The following NYAP2 variants were observed in gnomAD, a reference collection of about 807,000 sequenced individuals.
NYAP2 encodes neuronal tyrosine-phosphorylated phosphoinositide-3-kinase adaptor 2, also known as neuronal tyrosine-phosphorylated phosphoinositide-3-kinase adapter 2.
NYAP2 carries 23 observed loss-of-function variants against 50.4 expected under a neutral mutation model. That is an observed-to-expected ratio of 0.46 (90% confidence interval 0.33 to 0.65). NYAP2 has a LOEUF of 0.65. Among genes scored for constraint, NYAP2 ranks in the 30% least tolerant of loss-of-function variants. The probability of loss-of-function intolerance (pLI) is 0.02; values close to 1 mark genes in which losing one functional copy is unlikely to be tolerated. For missense variants in NYAP2, 885 were observed against 861.0 expected (o/e 1.03, Z -0.35); for synonymous variants, 394 against 365.2 (o/e 1.08, Z -0.90).
intron 4 of NYAP2, among the ~76,000 whole-genome samples, chr2:225,534,864 C>G (rs1348529475): frequency 6.6e-6 from 1 of 152,170 alleles, no homozygotes; most frequent in African/African-American, 2.4e-5. Flanking sequence ...AGCCTCTGGC[C>G]CAGGGCTAAG....
chr2:225,611,054 G>A (rs540145993), intron 5 of NYAP2, among the ~76,000 whole-genome samples: 257 of 152,270 alleles, frequency 1.7e-3, no homozygotes, highest in African/African-American at 6.0e-3. Context: ...CAAGCTGGTT[G>A]AGTTTGGGAT....
intron 3 of NYAP2, among the ~76,000 whole-genome samples, chr2:225,467,495 G>A (rs1574629648): frequency 6.6e-6 from 1 of 152,138 alleles, no homozygotes; most frequent in East Asian, 1.9e-4. Context: ...GCTACCTACT[G>A]TAACAGTATA....
At chr2:225,538,800 TTC>T in intron 4 of NYAP2, among the ~76,000 whole-genome samples, 9 of 59,872 alleles carry the variant, frequency 1.5e-4, no homozygotes, top group African/African-American at 7.9e-4. Context: ...CTTTCTTTCT[TTC>T]TTTCTTTCTT....
chr2:225,477,722 C>T (rs1276043595), intron 3 of NYAP2, among the ~76,000 whole-genome samples: 2 of 152,154 alleles, frequency 1.3e-5, no homozygotes, highest in African/African-American at 4.8e-5. Flanking sequence ...TACATACACA[C>T]ATGTACAGTT....
the NYAP2 span, among the ~76,000 whole-genome samples, chr2:225,660,141 T>C: frequency 1.3e-5 from 2 of 152,052 alleles, no homozygotes; most frequent in African/African-American, 4.8e-5. Flanking sequence ...CTAGAGCCCA[T>C]TATATTCATT....
chr2:225,619,472 G>T (rs1294413043), intron 5 of NYAP2, among the ~76,000 whole-genome samples: 1 of 152,210 alleles, frequency 6.6e-6, no homozygotes, highest in African/African-American at 2.4e-5. Context: ...TTCAGTACTC[G>T]TTTGTTACTG....
intron 6 of NYAP2, among the ~76,000 whole-genome samples, chr2:225,639,793 C>T (rs557875648): frequency 2.0e-5 from 3 of 152,208 alleles, no homozygotes; most frequent in South Asian, 2.1e-4. Flanking sequence ...TAATTACAAT[C>T]GGTGATGAAA....
chr2:225,589,927 C>A (rs1692467261), intron 5 of NYAP2, among the ~76,000 whole-genome samples: 1 of 152,064 alleles, frequency 6.6e-6, no homozygotes, highest in Admixed American at 6.5e-5. Flanking sequence ...GGCATGTTGA[C>A]TTTGGGCAGG....
chr2:225,441,650 C>A (rs1447166112), intron 3 of NYAP2, among the ~76,000 whole-genome samples: 1 of 152,090 alleles, frequency 6.6e-6, no homozygotes, highest in Non-Finnish European at 1.5e-5. Context: ...GAATCTGCCC[C>A]TTTTAAGCCA....
the NYAP2 span, among the ~76,000 whole-genome samples, chr2:225,661,749 AG>A: frequency 1.4e-5 from 2 of 140,554 alleles, no homozygotes; most frequent in East Asian, 4.1e-4. Context: ...TCTGAGGCGG[AG>A]TCTAGCTCTG....
At chr2:225,444,827 G>A (rs1012678269) in intron 3 of NYAP2, among the ~76,000 whole-genome samples, 6 of 152,116 alleles carry the variant, frequency 3.9e-5, no homozygotes, top group South Asian at 2.1e-4. Flanking sequence ...TGTTAATAAT[G>A]TATATAATAG....
intron 3 of NYAP2, among the ~76,000 whole-genome samples, chr2:225,477,336 A>T (rs1690131691): frequency 7.2e-6 from 1 of 139,078 alleles, no homozygotes; most frequent in South Asian, 2.2e-4. Context: ...TCCTGGGTTC[A>T]TGCCATTCTC....
At chr2:225,583,078 G>A in intron 5 of NYAP2, 43 bp downstream of exon 5, 1 of 1,581,738 alleles carries the variant, frequency 6.3e-7, no homozygotes, top group Non-Finnish European at 8.6e-7. Context: ...CCCAGTGCCA[G>A]GCTTACAACC....
At chr2:225,645,105 C>G (rs1693606456) in intron 6 of NYAP2, among the ~76,000 whole-genome samples, 1 of 152,044 alleles carries the variant, frequency 6.6e-6, no homozygotes, top group South Asian at 2.1e-4. Flanking sequence ...GCTAAAAATA[C>G]AGGTTAGCCG....
chr2:225,493,853 G>A (rs963182570), intron 3 of NYAP2, among the ~76,000 whole-genome samples: 10 of 152,194 alleles, frequency 6.6e-5, no homozygotes, highest in Non-Finnish European at 1.2e-4. Flanking sequence ...GTGAAGTCAC[G>A]TCAGAGTTGG....
chr2:225,613,418 G>T (rs1331753951), intron 5 of NYAP2, among the ~76,000 whole-genome samples: 2 of 152,010 alleles, frequency 1.3e-5, no homozygotes, highest in African/African-American at 4.8e-5. Context: ...ATTGAGGGTG[G>T]GTCTTCCTCT....
chr2:225,649,132 C>T (rs1693688700), intron 6 of NYAP2, among the ~76,000 whole-genome samples: 1 of 152,066 alleles, frequency 6.6e-6, no homozygotes, highest in Non-Finnish European at 1.5e-5. Flanking sequence ...GGGGTGAGAG[C>T]TAGCATTCAC....
intron 3 of NYAP2, among the ~76,000 whole-genome samples, chr2:225,494,995 A>C (rs899126894): frequency 6.6e-6 from 1 of 152,214 alleles, no homozygotes; most frequent in Non-Finnish European, 1.5e-5. Flanking sequence ...TGGCAACAAG[A>C]TATTCAAACA....
At chr2:225,560,075 T>C (rs189227019) in intron 4 of NYAP2, among the ~76,000 whole-genome samples, 59 of 152,168 alleles carry the variant, frequency 3.9e-4, no homozygotes, top group Non-Finnish European at 1.2e-4. Flanking sequence ...CAAAAAAGAA[T>C]ATGTAAAGAA....
Sources: allele counts gnomAD v4.1 joint callset (sites outside exome capture counted in the v4.1 genomes callset), GRCh38; gene constraint gnomAD v4.1.1; transcripts MANE v1.5; gene names NCBI Gene and HGNC (gene_info 2026-07-23, HGNC 2026-07-21).